The following SLC2A9 variants were observed in gnomAD, a reference collection of about 807,000 sequenced individuals.
The protein encoded by SLC2A9 is solute carrier family 2, facilitated glucose transporter member 9.
SLC2A9 carries 39 observed loss-of-function variants against 50.6 expected under a neutral mutation model. The observed-to-expected ratio is 0.77, with a 90% CI of 0.60 to 1.01. SLC2A9 has a LOEUF of 1.01. Among genes scored for constraint, SLC2A9 ranks in the 50% least tolerant of loss-of-function variants. The pLI is 0.00. For synonymous variants in SLC2A9, 324 were observed against 276.9 expected (o/e 1.17, Z -1.69); for missense variants, 686 against 677.6 (o/e 1.01, Z -0.14).
At chr4:10,021,648 T>C (rs73229824), upstream of SLC2A9, among the ~76,000 whole-genome samples, 56 of 151,870 alleles carry the variant, frequency 3.7e-4, no homozygotes, top group Non-Finnish European at 6.9e-4. Flanking sequence ...AAATCTGTCC[T>C]CTCCAGGATT....
chr4:10,009,029 C>T (rs563963953), intron 2 of SLC2A9, among the ~76,000 whole-genome samples: 62 of 151,522 alleles, frequency 4.1e-4, no homozygotes, highest in African/African-American at 1.5e-3. Flanking sequence ...TTCAGAGATA[C>T]CCATTTCATA....
chr4:9,860,818 GTGCA>G (rs2109392068), intron 10 of SLC2A9, among the ~76,000 whole-genome samples: 1 of 152,332 alleles, frequency 6.6e-6, no homozygotes, highest in East Asian at 1.9e-4. Context: ...CCTGAGGCTG[GTGCA>G]TGCATCTTCG....
chr4:9,811,783 AG>A (rs1195722851), intron 3 of SLC2A9, among the ~76,000 whole-genome samples: 2 of 152,118 alleles, frequency 1.3e-5, no homozygotes, highest in African/African-American at 4.8e-5. Context: ...ATACATTGGG[AG>A]GGAGAAGTTT....
At chr4:9,953,971 G>A (rs546780718) in intron 5 of SLC2A9, among the ~76,000 whole-genome samples, 2 of 151,668 alleles carry the variant, frequency 1.3e-5, no homozygotes, top group African/African-American at 2.4e-5. Context: ...CACCATGCCC[G>A]GCTGATTTTG....
intron 1 of SLC2A9, among the ~76,000 whole-genome samples, chr4:9,773,115 C>T (rs554309596): frequency 6.6e-6 from 1 of 152,282 alleles, no homozygotes; most frequent in Admixed American, 6.5e-5. Context: ...TTTTAACCTG[C>T]CAGAAACCTC....
intron 3 of SLC2A9, chr4:9,782,441 C>G (rs765839800): frequency 3.1e-6 from 5 of 1,613,964 alleles, no homozygotes; most frequent in Non-Finnish European, 4.2e-6. Flanking sequence ...CAGCGTGGAC[C>G]GCTACTGGGC....
At chr4:9,889,590 T>C (rs1197802824) in intron 9 of SLC2A9, among the ~76,000 whole-genome samples, 1 of 152,168 alleles carries the variant, frequency 6.6e-6, no homozygotes, top group Non-Finnish European at 1.5e-5. Context: ...TCAGCGTGCT[T>C]GCCAGCCCCA....
At chr4:10,029,567 T>TTTA (rs1560510229) in intron 1 of SLC2A9, among the ~76,000 whole-genome samples, 106 of 138,556 alleles carry the variant, frequency 7.7e-4, no homozygotes, top group African/African-American at 2.8e-3. Flanking sequence ...TTTATTTTAT[T>TTTA]TATTTTATAT....
At chr4:9,807,409 C>A (rs1054337342) in intron 3 of SLC2A9, among the ~76,000 whole-genome samples, 1 of 152,208 alleles carries the variant, frequency 6.6e-6, no homozygotes, top group Non-Finnish European at 1.5e-5. Flanking sequence ...TGATCTCCCC[C>A]ACATTCCCTG....
In SLC2A9 at chr4:9,884,767, C is replaced by T. The variant is rs567498756; in HGVS notation, c.1291+2800G>A. Among the ~76,000 whole-genome samples, 16 of 152,228 alleles carry T rather than the reference C, an allele frequency of 1.1e-4. No homozygotes were observed. The South Asian group carries it at 3.3e-3, about 32-fold the overall frequency. On this transcript the variant is annotated intron_variant, in intron 10 of 11. Coordinates refer to ENST00000264784, the MANE Select transcript of SLC2A9 (RefSeq NM_020041.3). ...CACAATAGCAAAGACATAGAATCAA[C>T]CCAAATGCTCATCAATGATAGACTG...
intron 8 of SLC2A9, among the ~76,000 whole-genome samples, chr4:9,891,336 C>A (rs1406465697): frequency 6.6e-6 from 1 of 152,190 alleles, no homozygotes; most frequent in East Asian, 1.9e-4. Context: ...GAAACAGCTC[C>A]TCAACTGCCA....
At chr4:9,923,548 G>A (rs938536321) in intron 6 of SLC2A9, among the ~76,000 whole-genome samples, 1 of 152,172 alleles carries the variant, frequency 6.6e-6, no homozygotes, top group Non-Finnish European at 1.5e-5. Context: ...GGGAGCCAGG[G>A]CAGGGTTCGG....
At chr4:9,879,331 T>A (rs952538176) in intron 10 of SLC2A9, 1 of 985,244 alleles carries the variant, frequency 1.0e-6, no homozygotes, top group Non-Finnish European at 1.2e-6. Context: ...AAATAGCACA[T>A]GCAAAGGCTG....
At chr4:9,850,251 C>A (rs4697899) in intron 10 of SLC2A9, among the ~76,000 whole-genome samples, 32,232 of 152,100 alleles carry the variant, frequency 0.21, 3,541 homozygotes, top group Admixed American at 0.28. Flanking sequence ...TACCCCACAA[C>A]CCCCACAGAC....
Position 9,980,601 on chromosome 4 carries a change from C to A in SLC2A9, c.672G>T (p.Leu224=), listed in dbSNP as rs1262505278. ...FTGQLLGLPE[L]LGKESTWPYL... is the part of the protein sequence containing the mutation. ...AGGGAGCCACACTCACCTTTCCCAG[C>A]AGCTCGGGCAGGCCCAGAAGCTGCC... Residue 224 remains leucine, a synonymous_variant, in exon 5 of 12, where the codon CTG becomes CTT. Transcript: ENST00000264784. The A allele has an allele frequency of 1.9e-6, 3 of 1,614,080 alleles. No homozygotes were observed. Among genetic ancestry groups the A allele is most frequent in the Admixed American group, 1.7e-5 (1 of 60,008 alleles).
intron 3 of SLC2A9, among the ~76,000 whole-genome samples, chr4:9,807,852 G>T (rs560279717): frequency 2.0e-5 from 3 of 152,134 alleles, no homozygotes; most frequent in Admixed American, 2.0e-4. Flanking sequence ...TGACTCTCAG[G>T]GCCCTAGAAT....
intron 3 of SLC2A9, among the ~76,000 whole-genome samples, chr4:9,789,647 A>G (rs1175244154): frequency 1.3e-5 from 2 of 152,254 alleles, no homozygotes; most frequent in Non-Finnish European, 2.9e-5. Context: ...CTGGGCCTCT[A>G]GGCCAATTCG....
intron 10 of SLC2A9, among the ~76,000 whole-genome samples, chr4:9,878,052 CTCT>C (rs1002379456): frequency 1.3e-5 from 2 of 152,146 alleles, no homozygotes; most frequent in African/African-American, 4.8e-5. Context: ...TGTCCCTCTC[CTCT>C]TCCTCTGTGG....
intron 3 of SLC2A9, among the ~76,000 whole-genome samples, chr4:9,816,287 GGCTGTCTGTAATAGTTTTCT>G (rs1723581889): frequency 6.6e-6 from 1 of 152,144 alleles, no homozygotes. Flanking sequence ...AACTGCTCTA[GGCTGTCTGTAATAGTTTTCT>G]GCTGCTGCTG....
Sources: allele counts gnomAD v4.1 joint callset (sites outside exome capture counted in the v4.1 genomes callset), GRCh38; gene constraint gnomAD v4.1.1; transcripts MANE v1.5; gene names NCBI Gene and HGNC (gene_info 2026-07-23, HGNC 2026-07-21).